The following CASQ2 variants were observed in gnomAD, a reference collection of about 807,000 sequenced individuals.
CASQ2 encodes the protein calsequestrin-2.
A neutral mutation model predicts 46.5 loss-of-function variants in CASQ2; 49 were observed. The ratio of observed to expected loss-of-function variants is 1.05; its 90% CI spans 0.84 to 1.34. The LOEUF is 1.34. Among genes scored for constraint, CASQ2 ranks in the 40% most tolerant of loss-of-function variants. CASQ2 has a pLI of 0.00. For synonymous variants in CASQ2, 174 were observed against 168.5 expected (o/e 1.03, Z -0.25); for missense variants, 486 against 481.3 (o/e 1.01, Z -0.09).
chr1:115,726,503 A>G (rs763589054), intron 6 of CASQ2, among the ~76,000 whole-genome samples: 4 of 152,192 alleles, frequency 2.6e-5, no homozygotes, highest in Non-Finnish European at 4.4e-5. Flanking sequence ...CTGGAGCTAC[A>G]CTAAGTGGTA....
At chr1:115,714,281 A>G (rs1306537845) in intron 8 of CASQ2, among the ~76,000 whole-genome samples, 3 of 152,288 alleles carry the variant, frequency 2.0e-5, no homozygotes, top group East Asian at 3.9e-4. Flanking sequence ...CATAGTCATG[A>G]TGTATTTAGA....
intron 5 of CASQ2, among the ~76,000 whole-genome samples, chr1:115,728,626 T>C (rs1247771477): frequency 1.3e-5 from 2 of 152,198 alleles, no homozygotes; most frequent in Non-Finnish European, 2.9e-5. Context: ...ACAGTAATAA[T>C]AACAAACATA....
intron 5 of CASQ2, among the ~76,000 whole-genome samples, chr1:115,729,545 A>G (rs948828906): frequency 3.3e-5 from 5 of 152,188 alleles, no homozygotes; most frequent in Non-Finnish European, 7.3e-5. Context: ...TTAAGAACCA[A>G]ATGGGTCCAT....
intron 2 of CASQ2, among the ~76,000 whole-genome samples, chr1:115,743,370 A>G (rs1230074454): frequency 1.3e-5 from 2 of 151,762 alleles, no homozygotes; most frequent in Admixed American, 1.3e-4. Context: ...CAGCCTCCCA[A>G]GTAGCTGGCA....
At chr1:115,724,631 CTGTT>C (rs1387750460) in intron 7 of CASQ2, among the ~76,000 whole-genome samples, 1 of 152,228 alleles carries the variant, frequency 6.6e-6, no homozygotes, top group Non-Finnish European at 1.5e-5. Flanking sequence ...CTATCTAACA[CTGTT>C]TGAGCTGCCT....
intron 7 of CASQ2, among the ~76,000 whole-genome samples, chr1:115,723,254 ATATC>A (rs71582536): frequency 3.3e-4 from 37 of 110,740 alleles, no homozygotes; most frequent in East Asian, 2.0e-3. Context: ...CTATCTCTCT[ATATC>A]TATCTATCTA....
chr1:115,715,505 G>A (rs1381065409), intron 8 of CASQ2, among the ~76,000 whole-genome samples: 2 of 152,142 alleles, frequency 1.3e-5, no homozygotes, highest in Non-Finnish European at 2.9e-5. Flanking sequence ...GTCCAGAATA[G>A]GCAAATTTTA....
intron 1 of CASQ2, among the ~76,000 whole-genome samples, chr1:115,746,229 A>T (rs1648385927): frequency 6.6e-6 from 1 of 151,946 alleles, no homozygotes; most frequent in African/African-American, 2.4e-5. Context: ...TCATTCACTC[A>T]TTAAAGGATA....
intron 1 of CASQ2, among the ~76,000 whole-genome samples, chr1:115,751,048 C>G (rs554926708): frequency 6.6e-6 from 1 of 152,324 alleles, no homozygotes; most frequent in South Asian, 2.1e-4. Context: ...CAAGCCTGTG[C>G]TGTGACTCCA....
rs113651542 is a variant in CASQ2, at chr1:115,752,465, A to G, written c.235-7553T>C. Reference sequence around the variant, plus strand: ...GGTAGTTTCTTCAGTAAATGAATGAATGAAGAGGGAGGCTGTTTAGAAAAG... The same window carrying G: ...GGTAGTTTCTTCAGTAAATGAATGAGTGAAGAGGGAGGCTGTTTAGAAAAG... On this transcript the variant is annotated intron_variant, in intron 1 of 10. Coordinates refer to ENST00000261448, the MANE Select transcript of CASQ2 (RefSeq NM_001232.4). Among the ~76,000 whole-genome samples the G allele has an allele frequency of 2.1e-3, 314 of 152,352 alleles. 3 individuals are homozygous for G. Among genetic ancestry groups the G allele is most frequent in the African/African-American group, 7.3e-3 (304 of 41,564 alleles).
At chr1:115,724,327 G>C (rs1239201833) in intron 7 of CASQ2, among the ~76,000 whole-genome samples, 1 of 152,202 alleles carries the variant, frequency 6.6e-6, no homozygotes, top group Non-Finnish European at 1.5e-5. Context: ...TGGGGAGACA[G>C]AGTCTTGCTG....
chr1:115,754,422 G>A (rs894668546), intron 1 of CASQ2, among the ~76,000 whole-genome samples: 8 of 152,114 alleles, frequency 5.3e-5, no homozygotes, highest in South Asian at 4.1e-4. Context: ...AATTCTGAGA[G>A]GCTATATAAC....
intron 2 of CASQ2, 45 bp downstream of exon 2, chr1:115,744,783 C>G (rs1394834747): frequency 1.6e-6 from 2 of 1,286,330 alleles, no homozygotes; most frequent in Non-Finnish European, 2.3e-6. Flanking sequence ...TTGCAAGACA[C>G]ATTCGTTTCT....
chr1:115,711,311 C>A (rs1570801624), intron 8 of CASQ2, among the ~76,000 whole-genome samples: 1 of 152,250 alleles, frequency 6.6e-6, no homozygotes, highest in African/African-American at 2.4e-5. Flanking sequence ...ACGGCCGGGG[C>A]TGGAACCACA....
chr1:115,717,245 G>A (rs1395475469), intron 8 of CASQ2, among the ~76,000 whole-genome samples: 1 of 152,274 alleles, frequency 6.6e-6, no homozygotes, highest in East Asian at 1.9e-4. Flanking sequence ...TTTCTTCATA[G>A]CAATGTGAGA....
chr1:115,722,770 G>A (rs779465447), intron 7 of CASQ2, among the ~76,000 whole-genome samples: 16 of 152,100 alleles, frequency 1.1e-4, no homozygotes, highest in Non-Finnish European at 1.5e-4. Context: ...TAAGCAGGCC[G>A]GGCGTGGTAG....
intron 6 of CASQ2, 145 bp downstream of exon 6, chr1:115,726,847 T>C: frequency 1.5e-6 from 1 of 673,454 alleles, no homozygotes; most frequent in East Asian, 2.8e-5. Flanking sequence ...TCATTACTGA[T>C]CAACAAAGCC....
intron 6 of CASQ2, 87 bp downstream of exon 6, chr1:115,726,905 T>C: frequency 4.6e-6 from 5 of 1,097,578 alleles, no homozygotes; most frequent in Non-Finnish European, 6.8e-6. Context: ...GTTGTTGCTC[T>C]TGGCAGGTCT....
intron 5 of CASQ2, among the ~76,000 whole-genome samples, chr1:115,731,208 A>G (rs1647770982): frequency 6.6e-6 from 1 of 152,176 alleles, no homozygotes. Context: ...TCATAGCCTG[A>G]CCTCACCTTT....
Sources: allele counts gnomAD v4.1 joint callset (sites outside exome capture counted in the v4.1 genomes callset), GRCh38; gene constraint gnomAD v4.1.1; transcripts MANE v1.5; gene names NCBI Gene and HGNC (gene_info 2026-07-23, HGNC 2026-07-21).